KCNJ6: variants seen among roughly 807,000 people sequenced by gnomAD.
KCNJ6 encodes G protein-activated inward rectifier potassium channel 2.
Under a neutral mutation model 34.2 loss-of-function variants are expected in KCNJ6, and 9 were observed. The observed-to-expected ratio is 0.26, with a 90% CI of 0.16 to 0.46. KCNJ6 has a LOEUF of 0.46. Ranked by LOEUF, KCNJ6 falls within the 20% of genes least tolerant of loss-of-function variation. The probability of loss-of-function intolerance (pLI) is 1.00; values close to 1 mark genes in which losing one functional copy is unlikely to be tolerated. For synonymous variants in KCNJ6, 196 were observed against 207.1 expected, an observed-to-expected ratio of 0.95 and a Z score of 0.46; for missense variants, 236 against 531.3, an observed-to-expected ratio of 0.44 and a Z score of 5.46.
rs532061391 is a variant in KCNJ6, at chr21:37,649,865, G to T, written c.947-24381C>A. 2.4e-3 allele frequency among the ~76,000 whole-genome samples: 370 copies of T among 151,776 alleles called. 3 individuals are homozygous for T. The Middle Eastern group carries it at 0.031, about 13-fold the overall frequency. ...CCTCCCAGGTTCACGCCATTCTCCT[G>T]CCTCAGCCTCCCCAAGTAGCTGGGA... On this transcript the variant is annotated intron_variant, in intron 3 of 3. Transcript: ENST00000609713.
intron 3 of KCNJ6, among the ~76,000 whole-genome samples, chr21:37,697,836 C>T (rs527636224): frequency 1.3e-5 from 2 of 152,298 alleles, no homozygotes; most frequent in African/African-American, 4.8e-5. Context: ...TTCTAAGTTA[C>T]ACTCAGTCTC....
chr21:37,614,532 GTC>G lies in KCNJ6; in HGVS notation c.*10625_*10626del, dbSNP rs144260075. On this transcript the variant is annotated 3_prime_UTR_variant, in exon 4 of 4. Coordinates refer to ENST00000609713, the MANE Select transcript of KCNJ6 (RefSeq NM_002240.5). ...TCTCTGTATGCATGTGTGTATGCAT[GTC>G]TCTGTGTATGCGTGTGTGTGTATGC... 0.35 allele frequency: 44,648 copies of G among 126,800 alleles called. 7,159 individuals are homozygous for G. Among genetic ancestry groups the G allele is most frequent in the Non-Finnish European group, 0.38 (21,785 of 58,004 alleles). The allele number at this position is 126,800 out of a possible 1,614,324, so 7.9% of individuals were successfully genotyped here. A position where few individuals can be genotyped will look rare whatever the true frequency, so the allele number is the denominator to read the frequency against.
chr21:37,868,957 G>A (rs1018361609), intron 1 of KCNJ6, among the ~76,000 whole-genome samples: 3 of 152,226 alleles, frequency 2.0e-5, no homozygotes, highest in Admixed American at 2.0e-4. Flanking sequence ...TCACAGTTTA[G>A]AAGAGGGAAA....
chr21:37,679,636 G>A (rs1352554663), intron 3 of KCNJ6, among the ~76,000 whole-genome samples: 2 of 152,208 alleles, frequency 1.3e-5, no homozygotes, highest in Non-Finnish European at 2.9e-5. Context: ...ATCAACACTA[G>A]TCTTAACCAT....
rs147746076 is a variant in KCNJ6, at chr21:37,790,543, T to C, written c.25+50115A>G. Among the ~76,000 whole-genome samples the C allele has an allele frequency of 2.2e-3, 340 of 152,312 alleles. 1 individual carries two copies. Among genetic ancestry groups the C allele is most frequent in the African/African-American group, 7.5e-3 (312 of 41,570 alleles). On this transcript the variant is annotated intron_variant, in intron 2 of 3. Coordinates refer to ENST00000609713, the MANE Select transcript of KCNJ6 (RefSeq NM_002240.5). ...GAACCTGAGGTTTAGAGAAATTAAA[T>C]AACCTTGCTTAAAGTTTCACAGGCC...
chr21:37,873,663 G>A (rs938208933), intron 1 of KCNJ6, among the ~76,000 whole-genome samples: 1 of 152,018 alleles, frequency 6.6e-6, no homozygotes, highest in Non-Finnish European at 1.5e-5. Context: ...ATAGAAATAT[G>A]AGCAAATTAT....
At chr21:37,800,923 G>A (rs2055266067) in intron 2 of KCNJ6, among the ~76,000 whole-genome samples, 1 of 152,194 alleles carries the variant, frequency 6.6e-6, no homozygotes. Context: ...CTGACTCAGA[G>A]AGAGACTGAA....
chr21:37,691,271 G>T (rs1263799304), intron 3 of KCNJ6, among the ~76,000 whole-genome samples: 1 of 152,172 alleles, frequency 6.6e-6, no homozygotes, highest in African/African-American at 2.4e-5. Context: ...AGGTGTAGGG[G>T]GGCCTCTGTC....
intron 3 of KCNJ6, among the ~76,000 whole-genome samples, chr21:37,684,537 T>C (rs979371458): frequency 3.3e-5 from 5 of 152,230 alleles, no homozygotes; most frequent in Non-Finnish European, 5.9e-5. Context: ...TGTGAAGTGT[T>C]ATGTTAGCAT....
chr21:37,826,315 A>G (rs2123559105), intron 2 of KCNJ6, among the ~76,000 whole-genome samples: 1 of 152,328 alleles, frequency 6.6e-6, no homozygotes, highest in Admixed American at 6.5e-5. Flanking sequence ...ACAGGAAGTT[A>G]AAATTACAGC....
At position 37,616,915 on chromosome 21, in the gene KCNJ6, A is replaced by AATAACGG. The variant is rs1392253834; in HGVS notation, c.*8237_*8243dup. The stretch of plus-strand genomic sequence containing the variant: ...CTGCAATGCAGAGTTCCTTGCAGAT[A>AATAACGG]ATAACGGGACTTGAAATTGATGCCT... On this transcript the variant is annotated 3_prime_UTR_variant, in exon 4 of 4. Transcript: ENST00000609713. 5 of 151,982 alleles carry AATAACGG rather than the reference A, an allele frequency of 3.3e-5. No homozygotes were observed. Among genetic ancestry groups the AATAACGG allele is most frequent in the Non-Finnish European group, 7.3e-5 (5 of 68,036 alleles). 9.4% of individuals were successfully genotyped at this position (151,982 alleles called of 1,614,324 possible). A position where few individuals can be genotyped will look rare whatever the true frequency, so the allele number is the denominator to read the frequency against.
chr21:37,783,315 T>C (rs937318220), intron 2 of KCNJ6, among the ~76,000 whole-genome samples: 1 of 152,174 alleles, frequency 6.6e-6, no homozygotes, highest in Admixed American at 6.5e-5. Flanking sequence ...ATAATTCCCA[T>C]ATGTTGTGGG....
At chr21:37,810,719 C>G (rs1255740725) in intron 2 of KCNJ6, among the ~76,000 whole-genome samples, 1 of 152,118 alleles carries the variant, frequency 6.6e-6, no homozygotes, top group African/African-American at 2.4e-5. Context: ...GAATATTTTG[C>G]CAGTTTTTCT....
intron 2 of KCNJ6, among the ~76,000 whole-genome samples, chr21:37,814,927 T>G (rs1044552783): frequency 7.3e-5 from 11 of 150,040 alleles, no homozygotes; most frequent in African/African-American, 2.7e-4. Context: ...GAACGAGAAT[T>G]TTTCCATGGA....
rs1420527129 is a variant in KCNJ6 at position 37,772,509 on chromosome 21, A to G, written c.26-57378T>C. Reference sequence around the variant, plus strand: ...TAAATTCTACTCTATAATTTTTCCAACAGTGAAAAAAGAAACTAAAGCAAT... The same window carrying G: ...TAAATTCTACTCTATAATTTTTCCAGCAGTGAAAAAAGAAACTAAAGCAAT... On this transcript the variant is annotated intron_variant, in intron 2 of 3. Coordinates refer to ENST00000609713, the MANE Select transcript of KCNJ6 (RefSeq NM_002240.5). Among the ~76,000 whole-genome samples, 5 of 152,326 alleles carry G rather than the reference A, an allele frequency of 3.3e-5. No individual in the cohort carries two copies. In the East Asian group the frequency reaches 5.8e-4, roughly 18 times the overall value.
rs368236270 is a variant in KCNJ6 at position 37,625,272 on chromosome 21, T to A, written c.1159A>T (p.Ser387Cys). ...AGTTCTGCATGTTGGTTGAGTTTGC[T>A]GGATACAGACCAACTCAGGGGCAGC... ...AELPLSWSVS[S>C]KLNQHAELET... The change falls in exon 4 of 4, where the codon AGC (serine) becomes TGC (cysteine). Residue 387 changes from serine to cysteine, a missense_variant. By Grantham distance (112) the Ser-to-Cys change is moderately radical. Coordinates refer to ENST00000609713, the MANE Select transcript of KCNJ6 (RefSeq NM_002240.5). 6.2e-7 allele frequency: 1 copy of A among 1,614,226 alleles called. No individual in the cohort carries two copies.
intron 1 of KCNJ6, among the ~76,000 whole-genome samples, chr21:37,883,304 C>T (rs2123625978): frequency 6.6e-6 from 1 of 152,310 alleles, no homozygotes; most frequent in East Asian, 1.9e-4. Flanking sequence ...GTTTTATTTT[C>T]TCCCCAACCT....
At chr21:37,681,850 G>A (rs1003351925) in intron 3 of KCNJ6, among the ~76,000 whole-genome samples, 4 of 152,166 alleles carry the variant, frequency 2.6e-5, no homozygotes, top group African/African-American at 9.7e-5. Flanking sequence ...AGTAACCTTG[G>A]TTCAGTGAGA....
At chr21:37,819,004 C>T (rs2055361316) in intron 2 of KCNJ6, among the ~76,000 whole-genome samples, 1 of 152,194 alleles carries the variant, frequency 6.6e-6, no homozygotes, top group Admixed American at 6.5e-5. Context: ...GTATTTTCCA[C>T]AGGTATATTA....
Sources: allele counts gnomAD v4.1 joint callset (sites outside exome capture counted in the v4.1 genomes callset), GRCh38; gene constraint gnomAD v4.1.1; transcripts MANE v1.5; gene names NCBI Gene and HGNC (gene_info 2026-07-23, HGNC 2026-07-21).